Variants in TTC23L observed in about 807,000 individuals in gnomAD.
TTC23L encodes tetratricopeptide repeat domain 23 like.
A neutral mutation model predicts 48.1 loss-of-function variants in TTC23L; 42 were observed. That is an observed-to-expected ratio of 0.87 (90% CI 0.68 to 1.13). The LOEUF (loss-of-function observed/expected upper bound fraction) is 1.13, where lower values mean the gene tolerates loss of function less well. TTC23L is among the 50% of genes most tolerant of loss of function. The probability of loss-of-function intolerance (pLI) is 0.00; values close to 1 mark genes in which losing one functional copy is unlikely to be tolerated. For missense variants in TTC23L, 391 were observed against 421.0 expected (o/e 0.93, Z 0.62); for synonymous variants, 159 against 157.2 (o/e 1.01, Z -0.09).
chr5:34,883,402 A>C (rs1192551374), intron 9 of TTC23L: 1 of 152,668 alleles, frequency 6.6e-6, no homozygotes, highest in Non-Finnish European at 1.5e-5. Flanking sequence ...GTTAGAAAAA[A>C]AAGGAAGTCA....
At chr5:34,917,456 AC>A in the TTC23L span, among the ~76,000 whole-genome samples, 1 of 149,990 alleles carries the variant, frequency 6.7e-6, no homozygotes, top group East Asian at 2.0e-4. Context: ...AGATGGTGAA[AC>A]CCCGTCTCTA....
chr5:34,924,871 G>C, the TTC23L span: 2 of 1,606,162 alleles, frequency 1.2e-6, no homozygotes, highest in African/African-American at 1.3e-5. Context: ...TGCTGCTCTT[G>C]TAGAAATAGG....
At chr5:34,878,206 A>C (rs564321096) in intron 8 of TTC23L, among the ~76,000 whole-genome samples, 37 of 152,208 alleles carry the variant, frequency 2.4e-4, no homozygotes, top group Non-Finnish European at 4.9e-4. Flanking sequence ...CTGATGCAAG[A>C]AATCAAAGAA....
At chr5:34,867,026 A>G (rs1462680065) in exon 7 of TTC23L, 1 of 1,612,258 alleles carries the variant, frequency 6.2e-7, no homozygotes, top group African/African-American at 1.3e-5. Flanking sequence ...CAGATAGAGC[A>G]GCTGAGGAGG....
chr5:34,913,548 C>T, the TTC23L span: 3 of 1,600,376 alleles, frequency 1.9e-6, no homozygotes, highest in African/African-American at 4.0e-5. Flanking sequence ...ACAGACTCTT[C>T]CTGAACTTTA....
intron 4 of TTC23L, among the ~76,000 whole-genome samples, chr5:34,856,065 G>A (rs566306369): frequency 6.6e-6 from 1 of 152,304 alleles, no homozygotes; most frequent in Admixed American, 6.5e-5. Context: ...GAGTGACAGT[G>A]AGGCCCAAAG....
At position 34,896,861 on chromosome 5, in the gene TTC23L, G is replaced by A. The variant is rs996777872; in HGVS notation, c.*83G>A. 7 of 723,618 alleles carry A rather than the reference G, an allele frequency of 9.7e-6. No individual in the cohort carries two copies. The South Asian group carries it at 1.0e-4, about 11-fold the overall frequency. The allele number at this position is 723,618 out of a possible 1,614,324, so 44.8% of individuals were successfully genotyped here. A position where few individuals can be genotyped will look rare whatever the true frequency, so the allele number is the denominator to read the frequency against. On this transcript the variant is annotated 3_prime_UTR_variant, in exon 10 of 11. Coordinates refer to ENST00000505624, the Ensembl canonical transcript of TTC23L. ...AGGCACAGAAGCATGACAGAGGGCA[G>A]TGTATGGAGGAATGGTAAGTACTTT...
chr5:34,888,384 C>G, intron 9 of TTC23L: 7 of 611,794 alleles, frequency 1.1e-5, no homozygotes, highest in Non-Finnish European at 1.4e-5. Flanking sequence ...TGGTCCTTTC[C>G]TGAGTTTGGT....
intron 9 of TTC23L, among the ~76,000 whole-genome samples, chr5:34,881,840 T>C (rs1316988860): frequency 6.6e-6 from 1 of 150,870 alleles, no homozygotes; most frequent in Non-Finnish European, 1.5e-5. Context: ...CTCAGCTCAC[T>C]GCAACCTCTG....
At chr5:34,841,291 C>T (rs545328261) in intron 2 of TTC23L, among the ~76,000 whole-genome samples, 72 of 152,196 alleles carry the variant, frequency 4.7e-4, no homozygotes, top group Admixed American at 8.5e-4. Context: ...ATAAAACTTT[C>T]GTATCGTCTA....
chr5:34,841,725 T>C (rs1013562000), intron 2 of TTC23L, among the ~76,000 whole-genome samples: 2 of 152,176 alleles, frequency 1.3e-5, no homozygotes, highest in South Asian at 4.1e-4. Context: ...TTATGTTACC[T>C]AGGCTGGTCT....
chr5:34,858,724 T>G (rs1409231680), intron 4 of TTC23L, among the ~76,000 whole-genome samples: 1 of 152,144 alleles, frequency 6.6e-6, no homozygotes, highest in Non-Finnish European at 1.5e-5. Flanking sequence ...CCTCACACTC[T>G]TACGGCATCT....
At chr5:34,894,821 TA>T (rs1472676119) in intron 9 of TTC23L, among the ~76,000 whole-genome samples, 1 of 152,102 alleles carries the variant, frequency 6.6e-6, no homozygotes, top group African/African-American at 2.4e-5. Context: ...TTAATGTAAG[TA>T]AAACTGCAAA....
intron 8 of TTC23L, among the ~76,000 whole-genome samples, chr5:34,874,258 G>A (rs889866188): frequency 1.3e-5 from 2 of 152,138 alleles, no homozygotes; most frequent in African/African-American, 4.8e-5. Flanking sequence ...AAAGGAAAAT[G>A]ATACAGAAAT....
the TTC23L span, among the ~76,000 whole-genome samples, chr5:34,923,605 C>T: frequency 3.9e-5 from 6 of 151,970 alleles, no homozygotes; most frequent in Non-Finnish European, 8.8e-5. Context: ...GATAGAGTGT[C>T]GCAGTGTTGC....
the TTC23L span, among the ~76,000 whole-genome samples, chr5:34,923,913 T>A: frequency 4.6e-5 from 7 of 151,038 alleles, no homozygotes; most frequent in South Asian, 1.5e-3. Context: ...TAAGCCATTA[T>A]ATATTTAACT....
At chr5:34,881,902 T>C (rs949779917) in intron 9 of TTC23L, among the ~76,000 whole-genome samples, 1 of 151,032 alleles carries the variant, frequency 6.6e-6, no homozygotes, top group African/African-American at 2.4e-5. Context: ...ACAGCTGGGA[T>C]TACAGGCGCC....
Position 34,880,180 on chromosome 5 carries a change from G to T in TTC23L, c.950-1G>T. ...TTAAATAATTGTTTCAATTTTTCCAGATGCTGTTGAGATATATTTCATAAG... is the reference window on the plus strand; with the variant it reads ...TTAAATAATTGTTTCAATTTTTCCATATGCTGTTGAGATATATTTCATAAG... On this transcript the variant is annotated splice_acceptor_variant, in intron 8 of 10. Transcript: ENST00000505624. LOFTEE classifies it high-confidence loss of function. 3 of 1,603,504 alleles carry T rather than the reference G, an allele frequency of 1.9e-6. No individual in the cohort carries two copies. Among genetic ancestry groups the T allele is most frequent in the Non-Finnish European group, 2.5e-6 (3 of 1,176,978 alleles).
intron 2 of TTC23L, among the ~76,000 whole-genome samples, chr5:34,842,484 A>G (rs762520846): frequency 6.6e-6 from 1 of 152,150 alleles, no homozygotes; most frequent in African/African-American, 2.4e-5. Context: ...AAGAGACAAA[A>G]GAGTATACTT....
Sources: gnomAD v4.1 joint callset for allele counts (sites outside exome capture counted in the v4.1 genomes callset) on GRCh38, gnomAD v4.1.1 for gene constraint, MANE v1.5 for transcripts, NCBI Gene and HGNC (gene_info 2026-07-23, HGNC 2026-07-21) for gene names.